Variants in ZNF248 observed in about 807,000 individuals in gnomAD.
ZNF248 encodes the protein zinc finger protein 248.
ZNF248 carries 20 observed loss-of-function variants against 44.3 expected under a neutral mutation model. The observed-to-expected ratio is 0.45, with a 90% CI of 0.32 to 0.66. The LOEUF (loss-of-function observed/expected upper bound fraction) is 0.66, where lower values mean the gene tolerates loss of function less well. Among genes scored for constraint, ZNF248 ranks in the 30% least tolerant of loss-of-function variants. The pLI is 0.04. For missense variants in ZNF248, 654 were observed against 677.0 expected, an observed-to-expected ratio of 0.97 and a Z score of 0.38; for synonymous variants, 224 against 229.0, an observed-to-expected ratio of 0.98 and a Z score of 0.20.
At chr10:37,786,873 C>A (rs2047929461) in intron 6 of ZNF248, among the ~76,000 whole-genome samples, 1 of 152,086 alleles carries the variant, frequency 6.6e-6, no homozygotes, top group Non-Finnish European at 1.5e-5. Context: ...TTGTTGATGT[C>A]CAAATTATTC....
chr10:37,835,382 C>A (rs2056936079), intron 5 of ZNF248, among the ~76,000 whole-genome samples: 1 of 152,116 alleles, frequency 6.6e-6, no homozygotes, highest in South Asian at 2.1e-4. Context: ...GAAGAATGTA[C>A]CTCATTTGAC....
chr10:37,804,101 CTTTTTT>C (rs59261731), intron 6 of ZNF248, among the ~76,000 whole-genome samples: 2 of 124,928 alleles, frequency 1.6e-5, no homozygotes, highest in Admixed American at 8.9e-5. Context: ...TTTTCTTTTT[CTTTTTT>C]TTTTTTTTTT....
chr10:37,769,645 G>A, the ZNF248 span, among the ~76,000 whole-genome samples: 1 of 152,130 alleles, frequency 6.6e-6, no homozygotes, highest in African/African-American at 2.4e-5. Context: ...AGCTATCTAT[G>A]ACAAACCCAC....
intron 6 of ZNF248, among the ~76,000 whole-genome samples, chr10:37,814,256 A>G (rs2052052349): frequency 6.6e-6 from 1 of 151,150 alleles, no homozygotes; most frequent in African/African-American, 2.4e-5. Context: ...CTTAACCTCA[A>G]TAACATACAA....
intron 6 of ZNF248, among the ~76,000 whole-genome samples, chr10:37,805,565 C>T (rs774214006): frequency 3.9e-4 from 59 of 152,184 alleles, no homozygotes; most frequent in Middle Eastern, 3.4e-3. Context: ...AAAACCTGTC[C>T]CTTATGCTTC....
chr10:37,808,699 T>A (rs2050996624), intron 6 of ZNF248, among the ~76,000 whole-genome samples: 1 of 152,198 alleles, frequency 6.6e-6, no homozygotes, highest in South Asian at 2.1e-4. Flanking sequence ...ATGTAGTATC[T>A]TTGTATGGCT....
rs2133816027 is a variant in ZNF248 at position 37,828,818 on chromosome 10, A to G, written c.*2797T>C. On this transcript the variant is annotated 3_prime_UTR_variant, in exon 6 of 6. Coordinates refer to ENST00000395867, the MANE Select transcript of ZNF248 (RefSeq NM_021045.3). ...AATACAGAGCTGCTTACCTTACACC[A>G]CATACAATAAGAAACACCACAGGGA... 1 of 985,438 alleles carries G rather than the reference A, an allele frequency of 1.0e-6. No individual in the cohort carries two copies. Among genetic ancestry groups the G allele is most frequent in the Admixed American group, 6.1e-5 (1 of 16,276 alleles). 61.0% of individuals were successfully genotyped at this position (985,438 alleles called of 1,614,324 possible). A position where few individuals can be genotyped will look rare whatever the true frequency, so the allele number is the denominator to read the frequency against.
intron 6 of ZNF248, among the ~76,000 whole-genome samples, chr10:37,790,747 A>G (rs2048420472): frequency 6.7e-6 from 1 of 149,784 alleles, no homozygotes; most frequent in African/African-American, 2.4e-5. Context: ...TTTTTAAAAA[A>G]ATAAAAATAA....
chr10:37,784,855 AAAAAC>A (rs1165715702), intron 6 of ZNF248, among the ~76,000 whole-genome samples: 2 of 152,202 alleles, frequency 1.3e-5, no homozygotes, highest in African/African-American at 4.8e-5. Context: ...GAGAAAAACA[AAAAAC>A]AAAACAAACA....
chr10:37,810,608 T>G (rs2051337051), intron 6 of ZNF248, among the ~76,000 whole-genome samples: 1 of 152,138 alleles, frequency 6.6e-6, no homozygotes, highest in Admixed American at 6.5e-5. Flanking sequence ...ATAAACCATG[T>G]GGCCTAGAAA....
At chr10:37,835,647 G>C (rs535603094) in intron 5 of ZNF248, among the ~76,000 whole-genome samples, 1 of 152,264 alleles carries the variant, frequency 6.6e-6, no homozygotes, top group Admixed American at 6.5e-5. Context: ...AAAGAGAGGA[G>C]AGAGAAAGAG....
intron 3 of ZNF248, among the ~76,000 whole-genome samples, chr10:37,848,594 A>AT (rs1334094885): frequency 5.3e-5 from 8 of 152,100 alleles, no homozygotes; most frequent in Admixed American, 6.6e-5. Flanking sequence ...CTCAAAAAAA[A>AT]AAAAAAGAAT....
intron 3 of ZNF248, among the ~76,000 whole-genome samples, chr10:37,846,809 C>T (rs1387357908): frequency 6.6e-6 from 1 of 152,132 alleles, no homozygotes; most frequent in Non-Finnish European, 1.5e-5. Flanking sequence ...ACACGTTAAA[C>T]ATAACCACAG....
In ZNF248 at chr10:37,832,669, A is replaced by C. The variant is rs1255301924; in HGVS notation, c.686T>G (p.Phe229Cys). The C allele has an allele frequency of 6.2e-7, 1 of 1,613,408 alleles. No individual in the cohort carries two copies. Among genetic ancestry groups the C allele is most frequent in the Non-Finnish European group, 8.5e-7 (1 of 1,179,900 alleles). Reference sequence around the variant, plus strand: ...TATCTGAGATCTCTTATTTGTAAAAAATGCTGCCTCATCATGGAAGCCTTG... The same window carrying C: ...TATCTGAGATCTCTTATTTGTAAAACATGCTGCCTCATCATGGAAGCCTTG... ...NGQGFHDEAA[F>C]FTNKRSQIGE... Residue 229 changes from phenylalanine (F) to cysteine (C), a missense_variant, in exon 6 of 6, where the codon TTT becomes TGT. Phe to Cys is a radical substitution (Grantham distance 205). Coordinates refer to ENST00000395867, the MANE Select transcript of ZNF248 (RefSeq NM_021045.3).
chr10:37,791,042 CTTTTTTTTTTTTT>C (rs869199263), intron 6 of ZNF248, among the ~76,000 whole-genome samples: 2 of 50,920 alleles, frequency 3.9e-5, no homozygotes, highest in African/African-American at 8.0e-5. Flanking sequence ...TTTGTTATTT[CTTTTTTTTTTTTT>C]TTTTTTTTTT....
downstream of ZNF248, among the ~76,000 whole-genome samples, chr10:37,826,613 G>C (rs1233027219): frequency 6.6e-6 from 1 of 152,108 alleles, no homozygotes; most frequent in Non-Finnish European, 1.5e-5. Flanking sequence ...AATAATGTCT[G>C]TACAAATCAC....
chr10:37,823,930 T>A (rs139449244), downstream of ZNF248, among the ~76,000 whole-genome samples: 137 of 151,968 alleles, frequency 9.0e-4, 2 homozygotes, highest in East Asian at 0.022. Flanking sequence ...TGAAAAAAAA[T>A]ATGTAAAGGC....
At chr10:37,855,574 A>C (rs1290365759) in intron 3 of ZNF248, among the ~76,000 whole-genome samples, 2 of 152,230 alleles carry the variant, frequency 1.3e-5, no homozygotes, top group African/African-American at 2.4e-5. Context: ...GAGGGAATCA[A>C]AGTTAGGAAA....
chr10:37,828,809 C>A lies in ZNF248; in HGVS notation c.*2806G>T, dbSNP rs2133815822. 2.0e-6 allele frequency: 2 copies of A among 985,356 alleles called. No homozygotes were observed. The allele number at this position is 985,356 out of a possible 1,614,324, so 61.0% of individuals were successfully genotyped here. ...ATTTGGAAGAATACAGAGCTGCTTA[C>A]CTTACACCACATACAATAAGAAACA... On this transcript the variant is annotated 3_prime_UTR_variant, in exon 6 of 6. Coordinates refer to ENST00000395867, the MANE Select transcript of ZNF248 (RefSeq NM_021045.3).
Sources: allele counts gnomAD v4.1 joint callset (sites outside exome capture counted in the v4.1 genomes callset), GRCh38; gene constraint gnomAD v4.1.1; transcripts MANE v1.5; gene names NCBI Gene and HGNC (gene_info 2026-07-23, HGNC 2026-07-21).